SPATA7: variants seen among roughly 807,000 people sequenced by gnomAD.
The protein encoded by SPATA7 is spermatogenesis-associated protein 7.
In SPATA7, 43 loss-of-function variants were observed where a neutral mutation model predicts 51.8. The ratio of observed to expected loss-of-function variants is 0.83; its 90% confidence interval spans 0.65 to 1.07. The LOEUF (loss-of-function observed/expected upper bound fraction) is 1.07. Ranked by LOEUF, SPATA7 falls within the 50% of genes least tolerant of loss-of-function variation. The pLI is 0.00. For synonymous variants in SPATA7, 230 were observed against 252.8 expected, an observed-to-expected ratio of 0.91 and a Z score of 0.86; for missense variants, 683 against 701.3, an observed-to-expected ratio of 0.97 and a Z score of 0.30.
intron 3 of SPATA7, among the ~76,000 whole-genome samples, chr14:88,448,387 T>C (rs57287698): frequency 0.19 from 28,316 of 152,148 alleles, 3,295 homozygotes; most frequent in East Asian, 0.3. Flanking sequence ...TACATTCTTC[T>C]AAACTTTTTT....
chr14:88,422,860 T>C (rs1016642391), intron 5 of SPATA7, among the ~76,000 whole-genome samples: 2 of 152,140 alleles, frequency 1.3e-5, no homozygotes, highest in Non-Finnish European at 2.9e-5. Context: ...TTGGGTAGTA[T>C]ATTTTGATAA....
intron 3 of SPATA7, among the ~76,000 whole-genome samples, chr14:88,451,294 C>T (rs2077248958): frequency 6.6e-6 from 1 of 152,042 alleles, no homozygotes; most frequent in Admixed American, 6.5e-5. Context: ...CTCAGCCTCC[C>T]GAGTAGCTGG....
At chr14:88,462,297 T>G (rs984151694) in intron 4 of SPATA7, among the ~76,000 whole-genome samples, 1 of 152,224 alleles carries the variant, frequency 6.6e-6, no homozygotes, top group Admixed American at 6.5e-5. Flanking sequence ...TCAGTTTTTC[T>G]CAGCTGATGA....
chr14:88,440,236 C>T (rs1344441209), downstream of SPATA7, among the ~76,000 whole-genome samples: 2 of 152,154 alleles, frequency 1.3e-5, no homozygotes, highest in Non-Finnish European at 2.9e-5. Flanking sequence ...TATCTCCTGG[C>T]TGCTGTTCTC....
chr14:88,414,634 T>C, intron 4 of SPATA7: 2 of 384,134 alleles, frequency 5.2e-6, no homozygotes, highest in South Asian at 2.0e-5. Flanking sequence ...CTAGTTGCAA[T>C]GTTAGATTAA....
chr14:88,418,443 G>A (rs1262253312), intron 5 of SPATA7, among the ~76,000 whole-genome samples: 2 of 151,852 alleles, frequency 1.3e-5, no homozygotes, highest in Admixed American at 6.6e-5. Flanking sequence ...GTTTCAATTC[G>A]AAGTATTTTA....
intron 4 of SPATA7, among the ~76,000 whole-genome samples, chr14:88,401,553 G>A (rs73321852): frequency 0.035 from 5,371 of 152,154 alleles, 311 homozygotes; most frequent in African/African-American, 0.12. Context: ...GAAAGCAGTA[G>A]AGCTGGGTGT....
At chr14:88,468,368 C>T (rs2077399112) in intron 4 of SPATA7, 10 of 1,162,394 alleles carry the variant, frequency 8.6e-6, no homozygotes, top group Non-Finnish European at 1.2e-5. Flanking sequence ...GGGAGATGGA[C>T]AGTCTCTTTT....
At chr14:88,392,246 A>G (rs73319885) in intron 2 of SPATA7, among the ~76,000 whole-genome samples, 6 of 152,176 alleles carry the variant, frequency 3.9e-5, no homozygotes, top group Admixed American at 1.3e-4. Flanking sequence ...ATATACATAC[A>G]TAGAAATCAG....
At chr14:88,442,186 G>GTTTGTTTT (rs1566792934), downstream of SPATA7, among the ~76,000 whole-genome samples, 1 of 151,678 alleles carries the variant, frequency 6.6e-6, no homozygotes, top group African/African-American at 2.4e-5. Flanking sequence ...TTGTTTGTTT[G>GTTTGTTTT]TTTGTTTGTT....
At chr14:88,462,498 T>C (rs1269329007) in intron 4 of SPATA7, among the ~76,000 whole-genome samples, 1 of 152,216 alleles carries the variant, frequency 6.6e-6, no homozygotes, top group Non-Finnish European at 1.5e-5. Flanking sequence ...TTTTAGAGTG[T>C]GAATTTAAGT....
At chr14:88,385,933 C>A (rs1159595830) in intron 1 of SPATA7, 96 bp downstream of exon 1, 1 of 1,395,338 alleles carries the variant, frequency 7.2e-7, no homozygotes, top group Non-Finnish European at 9.3e-7. Flanking sequence ...AAGGCCGCCC[C>A]TTGGGGCGCT....
chr14:88,453,879 T>A (rs1361045980), intron 3 of SPATA7, among the ~76,000 whole-genome samples: 11 of 152,142 alleles, frequency 7.2e-5, no homozygotes, highest in Admixed American at 6.5e-4. Flanking sequence ...GGGAGGAAGA[T>A]CTTTTTGGGT....
rs1177680731 is a variant in SPATA7 at position 88,426,479 on chromosome 14, T to A, written c.620T>A (p.Phe207Tyr). The change falls in exon 6 of 12, where the codon TTC (phenylalanine) becomes TAC (tyrosine). Residue 207 changes from phenylalanine (F) to tyrosine (Y), a missense_variant. By Grantham distance (22) the Phe-to-Tyr change is conservative. Transcript: ENST00000393545. ...ALYGRRPRST[F>Y]PNSHRFQLVI... ...TATGGCAGAAGGCCCAGAAGCACATTCCCAAATTCCCACCGGTTTCAGTTA... is the reference window on the plus strand; with the variant it reads ...TATGGCAGAAGGCCCAGAAGCACATACCCAAATTCCCACCGGTTTCAGTTA... 7 of 1,614,036 alleles carry A rather than the reference T, an allele frequency of 4.3e-6. No individual in the cohort carries two copies. In the Admixed American group the frequency reaches 8.3e-5, roughly 19 times the overall value.
intron 4 of SPATA7, among the ~76,000 whole-genome samples, chr14:88,462,878 G>C (rs2077326062): frequency 6.6e-6 from 1 of 152,120 alleles, no homozygotes; most frequent in Non-Finnish European, 1.5e-5. Context: ...TTCCTTTCTT[G>C]TCATCCGTTT....
At chr14:88,467,849 A>T in intron 4 of SPATA7, 1 of 349,248 alleles carries the variant, frequency 2.9e-6, no homozygotes, top group Non-Finnish European at 5.2e-6. Context: ...ATTGTCTAGA[A>T]AATACAATCT....
At chr14:88,422,232 G>T (rs959042103) in intron 5 of SPATA7, among the ~76,000 whole-genome samples, 1 of 149,482 alleles carries the variant, frequency 6.7e-6, no homozygotes, top group Non-Finnish European at 1.5e-5. Context: ...CAGCAAAGAG[G>T]TCTGGGCTGA....
chr14:88,451,371 G>T (rs374030523), intron 3 of SPATA7, among the ~76,000 whole-genome samples: 5 of 151,954 alleles, frequency 3.3e-5, no homozygotes, highest in African/African-American at 7.2e-5. Flanking sequence ...GGTTCACCAC[G>T]TTGGGCAGGC....
At chr14:88,431,862 T>G (rs148591423) in intron 9 of SPATA7, among the ~76,000 whole-genome samples, 1 of 152,288 alleles carries the variant, frequency 6.6e-6, no homozygotes, top group East Asian at 1.9e-4. Context: ...CTGTGAACAC[T>G]AATCTCTCTT....
Sources: allele counts gnomAD v4.1 joint callset (sites outside exome capture counted in the v4.1 genomes callset), GRCh38; gene constraint gnomAD v4.1.1; transcripts MANE v1.5; gene names NCBI Gene and HGNC (gene_info 2026-07-23, HGNC 2026-07-21).